The following RNF216 variants were observed in gnomAD, a reference collection of about 807,000 sequenced individuals.
RNF216 encodes the protein E3 ubiquitin-protein ligase RNF216.
RNF216 carries 72 observed loss-of-function variants against 110.8 expected under a neutral mutation model. The ratio of observed to expected loss-of-function variants is 0.65; its 90% CI spans 0.54 to 0.79. The LOEUF (loss-of-function observed/expected upper bound fraction) is 0.79, where lower values mean the gene tolerates loss of function less well. Ranked by LOEUF, RNF216 falls within the 30% of genes least tolerant of loss-of-function variation. The pLI, the probability that RNF216 is intolerant of heterozygous loss-of-function variation, is 0.00. For synonymous variants in RNF216, 495 were observed against 407.5 expected (o/e 1.21, Z -2.59); for missense variants, 1,342 against 1,141.2 (o/e 1.18, Z -2.54).
chr7:5,758,132 AG>A (rs1230641269), intron 2 of RNF216, among the ~76,000 whole-genome samples: 2 of 152,274 alleles, frequency 1.3e-5, no homozygotes, highest in African/African-American at 4.8e-5. Context: ...AAAATGAATT[AG>A]TTGTTCTTAA....
At position 5,620,526 on chromosome 7, in the gene RNF216, G is replaced by C. The variant is rs538193398; in HGVS notation, c.*2334C>G. Reference sequence around the variant, plus strand: ...GGACAGAGGGGCCTGGAGAACCAGGGTGGGTGCTCACGGCAGCCCTGTGGT... The same window carrying C: ...GGACAGAGGGGCCTGGAGAACCAGGCTGGGTGCTCACGGCAGCCCTGTGGT... On this transcript the variant is annotated 3_prime_UTR_variant, in exon 17 of 17. Transcript: ENST00000389902. 6.6e-6 allele frequency: 1 copy of C among 152,390 alleles called. No individual in the cohort carries two copies. Among genetic ancestry groups the C allele is most frequent in the Non-Finnish European group, 1.5e-5 (1 of 68,058 alleles). The allele number at this position is 152,390 out of a possible 1,614,324, so 9.4% of individuals were successfully genotyped here.
At chr7:5,638,225 T>C (rs1246251437) in intron 15 of RNF216, among the ~76,000 whole-genome samples, 1 of 152,280 alleles carries the variant, frequency 6.6e-6, no homozygotes, top group Admixed American at 6.5e-5. Context: ...TTCCATGTTT[T>C]AAAGTGTAGA....
At chr7:5,771,852 AAC>A (rs1171894457) in intron 1 of RNF216, among the ~76,000 whole-genome samples, 2 of 152,088 alleles carry the variant, frequency 1.3e-5, no homozygotes, top group African/African-American at 2.4e-5. Context: ...TTGAATTAAC[AAC>A]GGCTGAGTAC....
intron 15 of RNF216, among the ~76,000 whole-genome samples, chr7:5,626,215 C>G (rs905413865): frequency 6.6e-6 from 1 of 152,150 alleles, no homozygotes; most frequent in South Asian, 2.1e-4. Flanking sequence ...TTTGTGAACA[C>G]TCCACAAGGG....
Position 5,729,606 on chromosome 7 carries a change from G to C in RNF216, c.1225-10C>G. ...AGTCTATTTTAGGCAACTGAAATGAGAGAGAAGCATAAAATCAGAGGCCAG... is the reference window on the plus strand; with the variant it reads ...AGTCTATTTTAGGCAACTGAAATGACAGAGAAGCATAAAATCAGAGGCCAG... On this transcript the variant is annotated splice_polypyrimidine_tract_variant and intron_variant, in intron 6 of 16. Transcript: ENST00000389902. The C allele has an allele frequency of 6.2e-7, 1 of 1,611,574 alleles. No individual in the cohort carries two copies. Among genetic ancestry groups the C allele is most frequent in the Non-Finnish European group, 8.5e-7 (1 of 1,177,840 alleles).
At chr7:5,676,047 C>T (rs1790269411) in intron 13 of RNF216, among the ~76,000 whole-genome samples, 1 of 150,884 alleles carries the variant, frequency 6.6e-6, no homozygotes, top group Non-Finnish European at 1.5e-5. Context: ...CAGAGTCTTG[C>T]TCTGTTGCCC....
At chr7:5,704,477 G>T (rs546437086) in intron 13 of RNF216, among the ~76,000 whole-genome samples, 2 of 152,366 alleles carry the variant, frequency 1.3e-5, no homozygotes, top group African/African-American at 4.8e-5. Context: ...AGGTAAAAGC[G>T]TATGCGCTAA....
At chr7:5,768,163 A>C (rs1160301056) in intron 1 of RNF216, among the ~76,000 whole-genome samples, 1 of 151,966 alleles carries the variant, frequency 6.6e-6, no homozygotes, top group Non-Finnish European at 1.5e-5. Flanking sequence ...TGATTAAAAA[A>C]AAAATTACCA....
At chr7:5,676,942 C>T (rs1790336338) in intron 13 of RNF216, among the ~76,000 whole-genome samples, 1 of 152,152 alleles carries the variant, frequency 6.6e-6, no homozygotes, top group African/African-American at 2.4e-5. Flanking sequence ...CATCCAAGGC[C>T]CATTATTTCC....
intron 3 of RNF216, among the ~76,000 whole-genome samples, chr7:5,746,705 G>A (rs1795048597): frequency 6.6e-6 from 1 of 152,154 alleles, no homozygotes; most frequent in Non-Finnish European, 1.5e-5. Flanking sequence ...GGAGTACTCT[G>A]CCTTCTGGTA....
chr7:5,753,348 ATTGT>A (rs1386367978), intron 2 of RNF216, among the ~76,000 whole-genome samples: 2 of 152,222 alleles, frequency 1.3e-5, no homozygotes. Flanking sequence ...TTTTATTTAA[ATTGT>A]TTGGTCTGAA....
intron 3 of RNF216, among the ~76,000 whole-genome samples, chr7:5,742,364 C>T (rs2128654886): frequency 6.6e-6 from 1 of 152,020 alleles, no homozygotes; most frequent in Middle Eastern, 3.4e-3. Context: ...ATAATTTAAC[C>T]TGAGACTACT....
intron 13 of RNF216, among the ~76,000 whole-genome samples, chr7:5,683,974 T>C (rs1790814762): frequency 6.6e-6 from 1 of 151,904 alleles, no homozygotes; most frequent in African/African-American, 2.4e-5. Context: ...AAGGGCAAGA[T>C]CCAGTAGGGG....
chr7:5,712,954 AC>A, intron 11 of RNF216, 91 bp from the exon 12 acceptor site: 2 of 1,154,224 alleles, frequency 1.7e-6, no homozygotes, highest in Non-Finnish European at 1.2e-6. Flanking sequence ...AGATCCTGAG[AC>A]AACATAGCAA....
intron 5 of RNF216, among the ~76,000 whole-genome samples, chr7:5,731,666 T>C (rs1322336680): frequency 2.0e-5 from 3 of 151,276 alleles, no homozygotes; most frequent in Non-Finnish European, 2.9e-5. Flanking sequence ...GCTCGGAGGG[T>C]AATGGGGACT....
intron 1 of RNF216, among the ~76,000 whole-genome samples, chr7:5,761,716 G>A (rs1317731825): frequency 1.3e-5 from 2 of 151,882 alleles, no homozygotes; most frequent in East Asian, 3.9e-4. Context: ...AACCCGGGAG[G>A]CTGAAGTTGC....
chr7:5,714,655 T>C (rs181895581), intron 11 of RNF216, among the ~76,000 whole-genome samples: 54 of 152,332 alleles, frequency 3.5e-4, no homozygotes, highest in African/African-American at 1.2e-3. Context: ...CATACTGTGT[T>C]TGTTATGCTG....
At chr7:5,738,426 T>C (rs1201440406) in intron 5 of RNF216, among the ~76,000 whole-genome samples, 1 of 151,922 alleles carries the variant, frequency 6.6e-6, no homozygotes, top group Non-Finnish European at 1.5e-5. Flanking sequence ...TTAAGAAATA[T>C]GGCTGGGAGC....
intron 5 of RNF216, among the ~76,000 whole-genome samples, chr7:5,735,933 A>G (rs1794370190): frequency 6.6e-6 from 1 of 152,170 alleles, no homozygotes; most frequent in African/African-American, 2.4e-5. Context: ...TCTCTACTAA[A>G]AACACAAAAA....
Sources: gnomAD v4.1 joint callset for allele counts (sites outside exome capture counted in the v4.1 genomes callset) on GRCh38, gnomAD v4.1.1 for gene constraint, MANE v1.5 for transcripts, NCBI Gene and HGNC (gene_info 2026-07-23, HGNC 2026-07-21) for gene names.